TOP2B: variants seen among roughly 807,000 people sequenced by gnomAD.
TOP2B encodes the protein DNA topoisomerase II beta, also known as DNA topoisomerase 2-beta.
A neutral mutation model predicts 193.5 loss-of-function variants in TOP2B; 51 were observed. The observed-to-expected ratio is 0.26, with a 90% CI of 0.21 to 0.33. TOP2B has a LOEUF of 0.33. TOP2B is among the 10% of genes least tolerant of loss of function. The probability of loss-of-function intolerance (pLI) is 1.00; values close to 1 mark genes in which losing one functional copy is unlikely to be tolerated. For missense variants in TOP2B, 1,378 were observed against 1,909.3 expected (o/e 0.72, Z 5.19); for synonymous variants, 634 against 635.7 (o/e 1.00, Z 0.04).
At position 25,636,154 on chromosome 3, in the gene TOP2B, A is replaced by T. The variant is rs1703099839; in HGVS notation, c.640-6T>A. ...ATCATATTATTCATCCATGTCTTTA[A>T]AAGAAAAAAATTCAAATATTTCTAT... On this transcript the variant is annotated splice_region_variant and splice_polypyrimidine_tract_variant and intron_variant, in intron 6 of 35. Coordinates refer to ENST00000264331, the MANE Select transcript of TOP2B (RefSeq NM_001330700.2). The T allele has an allele frequency of 6.5e-7, 1 of 1,539,960 alleles. No individual in the cohort carries two copies. The highest frequency in any genetic ancestry group is 2.0e-5 in the Admixed American group (1 of 50,008).
At chr3:25,600,952 C>T in intron 34 of TOP2B, 148 bp downstream of exon 34, 2 of 745,658 alleles carry the variant, frequency 2.7e-6, no homozygotes, top group Non-Finnish European at 4.2e-6. Flanking sequence ...CTATATTCAG[C>T]ACTGATTCCT....
In TOP2B at chr3:25,618,715, A is replaced by T. The variant is rs780561789; in HGVS notation, c.3198T>A (p.Ser1066=). The T allele has an allele frequency of 1.2e-6, 2 of 1,613,482 alleles. No individual in the cohort carries two copies. The highest frequency in any genetic ancestry group is 1.7e-6 in the Non-Finnish European group (2 of 1,179,674). The change falls in exon 24 of 36, where the codon TCT becomes TCA. Residue 1066 remains serine, a synonymous_variant. Coordinates refer to ENST00000264331, the MANE Select transcript of TOP2B (RefSeq NM_001330700.2). Reference sequence around the variant, plus strand: ...AACGGGCTTGATTGTTAAGCTTTGTAGATTCTGCTCCCAACATTCCCACAA... The same window carrying T: ...AACGGGCTTGATTGTTAAGCTTTGTTGATTCTGCTCCCAACATTCCCACAA... The part of the protein sequence containing the change: ...EWLVGMLGAE[S]TKLNNQARFI...
intron 28 of TOP2B, among the ~76,000 whole-genome samples, chr3:25,611,509 A>G (rs1702369127): frequency 6.6e-6 from 1 of 152,114 alleles, no homozygotes; most frequent in Non-Finnish European, 1.5e-5. Context: ...ATTCCCACCT[A>G]CTTGTTGGAC....
chr3:25,630,753 T>A, intron 11 of TOP2B, 48 bp downstream of exon 11: 1 of 1,438,146 alleles, frequency 7.0e-7, no homozygotes, highest in Non-Finnish European at 9.1e-7. Context: ...TGTAACTAAA[T>A]AAAAGTGAAA....
chr3:25,621,045 C>A (rs757541897), intron 21 of TOP2B, among the ~76,000 whole-genome samples: 20 of 152,144 alleles, frequency 1.3e-4, no homozygotes, highest in Non-Finnish European at 2.6e-4. Flanking sequence ...TAGAACAGTA[C>A]TTTCTTTCAG....
intron 31 of TOP2B, 84 bp downstream of exon 31, chr3:25,607,087 A>G (rs1702253407): frequency 9.2e-6 from 14 of 1,513,530 alleles, no homozygotes; most frequent in Non-Finnish European, 1.2e-5. Context: ...AATGATAACA[A>G]TTTCTTAGAA....
intron 33 of TOP2B, among the ~76,000 whole-genome samples, chr3:25,603,388 A>C (rs1246008153): frequency 6.6e-6 from 1 of 151,976 alleles, no homozygotes; most frequent in Non-Finnish European, 1.5e-5. Flanking sequence ...ACAGGCATGC[A>C]TACGCCACCA....
At chr3:25,626,744 C>T in intron 17 of TOP2B, 28 bp downstream of exon 17, 2 of 1,563,940 alleles carry the variant, frequency 1.3e-6, no homozygotes, top group Non-Finnish European at 1.8e-6. Flanking sequence ...CTCCTTCTTT[C>T]CCCAGGTCAC....
chr3:25,637,469 A>G (rs895197926), intron 5 of TOP2B, among the ~76,000 whole-genome samples, 157 bp from the exon 6 acceptor site: 1 of 152,052 alleles, frequency 6.6e-6, no homozygotes, highest in African/African-American at 2.4e-5. Context: ...ATTTTCTTCC[A>G]TTTAAAGAAA....
At chr3:25,648,721 G>A (rs531023212) in intron 1 of TOP2B, among the ~76,000 whole-genome samples, 1 of 152,090 alleles carries the variant, frequency 6.6e-6, no homozygotes, top group African/African-American at 2.4e-5. Context: ...AATTAGCCAG[G>A]TGTGGTAGTG....
intron 1 of TOP2B, among the ~76,000 whole-genome samples, chr3:25,662,200 C>A (rs908553743): frequency 6.6e-6 from 1 of 152,174 alleles, no homozygotes; most frequent in African/African-American, 2.4e-5. Flanking sequence ...GATAAAAAAA[C>A]AGGCTTAGAA....
In TOP2B at chr3:25,634,031, C is replaced by A. The variant is rs1170817440; in HGVS notation, c.853-17G>T. On this transcript the variant is annotated splice_polypyrimidine_tract_variant and intron_variant, in intron 7 of 35. Transcript: ENST00000264331. ...TCCATTTACCTATTAATTTAAAAAACAAAAACAATTAAAAATCTTACACTG... is the reference window on the plus strand; with the variant it reads ...TCCATTTACCTATTAATTTAAAAAAAAAAAACAATTAAAAATCTTACACTG... 2 of 1,583,484 alleles carry A rather than the reference C, an allele frequency of 1.3e-6. No homozygotes were observed. The highest frequency in any genetic ancestry group is 1.8e-5 in the Admixed American group (1 of 54,164).
chr3:25,621,360 C>A (rs1702653014), intron 21 of TOP2B, among the ~76,000 whole-genome samples: 1 of 152,092 alleles, frequency 6.6e-6, no homozygotes, highest in African/African-American at 2.4e-5. Flanking sequence ...TCTCCCTCTT[C>A]TAAGTTTTTA....
At chr3:25,636,963 ATACT>A (rs1703122050) in intron 6 of TOP2B, among the ~76,000 whole-genome samples, 1 of 152,004 alleles carries the variant, frequency 6.6e-6, no homozygotes, top group Non-Finnish European at 1.5e-5. Flanking sequence ...ATTTTCACTA[ATACT>A]TAACTAAGTT....
intron 28 of TOP2B, 30 bp from the exon 29 acceptor site, chr3:25,609,742 A>G: frequency 7.0e-7 from 1 of 1,424,114 alleles, no homozygotes; most frequent in Non-Finnish European, 9.2e-7. Context: ...TCAAGCCACG[A>G]GTAAAAATAA....
chr3:25,632,881 A>G, intron 8 of TOP2B, 87 bp from the exon 9 acceptor site: 2 of 1,147,570 alleles, frequency 1.7e-6, no homozygotes, highest in Non-Finnish European at 2.5e-6. Flanking sequence ...CCTATTTTCT[A>G]AAAGAGTAAT....
chr3:25,610,994 T>C (rs1051215641), intron 28 of TOP2B, among the ~76,000 whole-genome samples: 6 of 152,204 alleles, frequency 3.9e-5, no homozygotes, highest in Non-Finnish European at 1.5e-5. Flanking sequence ...TGATGGCTGA[T>C]AGTGTCATTA....
rs184588084 is a variant in TOP2B at position 25,626,309 on chromosome 3, T to C, written c.2224+251A>G. ...AACTTGGGCAAAAGCTTTAAGACTT[T>C]TAAAGTTAATTTTCCTGAAAAACTC... On this transcript the variant is annotated intron_variant, in intron 18 of 35. Coordinates refer to ENST00000264331, the MANE Select transcript of TOP2B (RefSeq NM_001330700.2). Among the ~76,000 whole-genome samples the C allele has an allele frequency of 1.2e-3, 188 of 152,234 alleles. 5 individuals are homozygous for C. Among genetic ancestry groups the C allele is most frequent in the Admixed American group, 2.9e-3 (45 of 15,296 alleles).
intron 18 of TOP2B, among the ~76,000 whole-genome samples, chr3:25,625,383 T>A (rs187124088): frequency 1.9e-4 from 29 of 152,286 alleles, no homozygotes; most frequent in African/African-American, 6.5e-4. Context: ...TAATATAGTT[T>A]TCATAAGGAT....
Sources: allele counts gnomAD v4.1 joint callset (sites outside exome capture counted in the v4.1 genomes callset), GRCh38; gene constraint gnomAD v4.1.1; transcripts MANE v1.5; gene names NCBI Gene and HGNC (gene_info 2026-07-23, HGNC 2026-07-21).